Variants in BRINP1 observed in about 807,000 individuals in gnomAD.
The protein encoded by BRINP1 is BMP/retinoic acid inducible neural specific 1.
In BRINP1, 17 loss-of-function variants were observed where a neutral mutation model predicts 72.9. The observed-to-expected ratio is 0.23, with a 90% CI of 0.16 to 0.35. BRINP1 has a LOEUF of 0.35. BRINP1 is among the 10% of genes least tolerant of loss of function. The pLI is 1.00. For synonymous variants in BRINP1, 418 were observed against 378.5 expected (o/e 1.10, Z -1.21); for missense variants, 850 against 1,001.6 (o/e 0.85, Z 2.04).
At chr9:119,172,061 CAATT>C (rs1479571816) in intron 7 of BRINP1, among the ~76,000 whole-genome samples, 3 of 141,844 alleles carry the variant, frequency 2.1e-5, no homozygotes, top group African/African-American at 8.4e-5. Context: ...CCTAACATCA[CAATT>C]AAAAGAACTA....
At chr9:119,212,066 C>A (rs1829934664) in intron 6 of BRINP1, among the ~76,000 whole-genome samples, 1 of 151,980 alleles carries the variant, frequency 6.6e-6, no homozygotes, top group Non-Finnish European at 1.5e-5. Flanking sequence ...TCAAATGCTT[C>A]CTTTGTTTGG....
At chr9:119,258,247 G>A (rs555033922) in intron 2 of BRINP1, among the ~76,000 whole-genome samples, 1 of 152,160 alleles carries the variant, frequency 6.6e-6, no homozygotes, top group Non-Finnish European at 1.5e-5. Flanking sequence ...GAGCACACTG[G>A]AAGGGGACTA....
intron 6 of BRINP1, among the ~76,000 whole-genome samples, chr9:119,209,575 TA>T (rs11412075): frequency 4.9e-5 from 7 of 142,346 alleles, no homozygotes; most frequent in African/African-American, 1.4e-4. Flanking sequence ...TCAAAAAAAT[TA>T]AAAAAAAAAG....
chr9:119,358,866 C>A (rs1393506350), intron 1 of BRINP1, among the ~76,000 whole-genome samples: 1 of 152,218 alleles, frequency 6.6e-6, no homozygotes, highest in Non-Finnish European at 1.5e-5. Context: ...TTTGCGTTCT[C>A]CCACGCCTTA....
At chr9:119,310,186 G>A (rs1225661191) in intron 2 of BRINP1, among the ~76,000 whole-genome samples, 2 of 152,164 alleles carry the variant, frequency 1.3e-5, no homozygotes, top group African/African-American at 4.8e-5. Context: ...AGTTCTGTTA[G>A]TTGACCAAAA....
At chr9:119,197,694 G>C (rs1165133640) in intron 7 of BRINP1, among the ~76,000 whole-genome samples, 1 of 73,272 alleles carries the variant, frequency 1.4e-5, no homozygotes, top group African/African-American at 6.7e-5. Flanking sequence ...CTCTTGTCTG[G>C]TGGGTTACAT....
chr9:119,360,740 G>A (rs1316621406), intron 1 of BRINP1, among the ~76,000 whole-genome samples: 1 of 152,110 alleles, frequency 6.6e-6, no homozygotes, highest in Non-Finnish European at 1.5e-5. Context: ...TCTCACAGAG[G>A]TTCCCAATGG....
intron 2 of BRINP1, among the ~76,000 whole-genome samples, chr9:119,284,393 G>C (rs2118965927): frequency 6.6e-6 from 1 of 152,322 alleles, no homozygotes; most frequent in South Asian, 2.1e-4. Flanking sequence ...TGCAATACCA[G>C]CTGTGCCCTA....
chr9:119,247,727 G>A (rs969398676), intron 3 of BRINP1, among the ~76,000 whole-genome samples: 4 of 150,644 alleles, frequency 2.7e-5, no homozygotes, highest in Admixed American at 2.0e-4. Context: ...CAGGCTTTGT[G>A]CATGGAAAAC....
At chr9:119,302,977 A>G (rs1279279149) in intron 2 of BRINP1, among the ~76,000 whole-genome samples, 1 of 152,166 alleles carries the variant, frequency 6.6e-6, no homozygotes, top group African/African-American at 2.4e-5. Context: ...GTGCATACAC[A>G]TTAGTAGAGA....
chr9:119,336,716 G>A (rs1831348816), intron 1 of BRINP1, among the ~76,000 whole-genome samples: 1 of 152,124 alleles, frequency 6.6e-6, no homozygotes, highest in South Asian at 2.1e-4. Context: ...GTCTGTAAAG[G>A]CACACACGTA....
In BRINP1 at chr9:119,313,231, A is replaced by G. The variant is rs770282756; in HGVS notation, c.125T>C (p.Ile42Thr). 2.5e-6 allele frequency: 4 copies of G among 1,614,060 alleles called. No individual in the cohort carries two copies. The African/African-American group carries it at 5.3e-5, about 22-fold the overall frequency. The change falls in exon 2 of 8, where the codon ATT (isoleucine) becomes ACT (threonine). Residue 42 changes from isoleucine (I) to threonine (T), a missense_variant. Coordinates refer to ENST00000265922, the MANE Select transcript of BRINP1 (RefSeq NM_014618.3). The part of the protein sequence containing the change: ...QHVSKEFDWL[I>T]SDRGPFHHSR... ...GTGGTGGAAAGGCCCCCTGTCTGAA[A>G]TGAGCCAATCAAATTCCTTGGAGAC... is the stretch of plus-strand genomic sequence containing the variant.
intron 2 of BRINP1, among the ~76,000 whole-genome samples, chr9:119,303,291 G>GAC (rs35386714): frequency 0.32 from 37,889 of 117,162 alleles, 5,855 homozygotes; most frequent in Non-Finnish European, 0.38. Context: ...CACACACACA[G>GAC]ACACACACAC....
chr9:119,224,559 G>A (rs1409133965), intron 5 of BRINP1, among the ~76,000 whole-genome samples: 2 of 151,972 alleles, frequency 1.3e-5, no homozygotes, highest in Non-Finnish European at 2.9e-5. Context: ...GTGTGGTAAC[G>A]AATAACCTCA....
At chr9:119,178,874 A>G (rs1019187459) in intron 7 of BRINP1, among the ~76,000 whole-genome samples, 1 of 152,136 alleles carries the variant, frequency 6.6e-6, no homozygotes, top group African/African-American at 2.4e-5. Context: ...AGAAAGCAAG[A>G]CACAAGAAAA....
chr9:119,192,897 T>A (rs1451510711), intron 7 of BRINP1, among the ~76,000 whole-genome samples: 1 of 152,070 alleles, frequency 6.6e-6, no homozygotes, highest in Non-Finnish European at 1.5e-5. Context: ...CACAGTTGTT[T>A]CTCAGTATCT....
intron 2 of BRINP1, chr9:119,283,177 G>C: frequency 1.0e-6 from 1 of 985,002 alleles, no homozygotes; most frequent in Non-Finnish European, 1.2e-6. Flanking sequence ...GCCTCCTTGA[G>C]TGTTTCTTTA....
intron 2 of BRINP1, among the ~76,000 whole-genome samples, chr9:119,293,199 C>G (rs1465664607): frequency 6.6e-6 from 1 of 151,898 alleles, no homozygotes; most frequent in Admixed American, 6.6e-5. Flanking sequence ...TATAAGAATT[C>G]TCGGCGGGAA....
chr9:119,282,430 T>C (rs1287952177), intron 2 of BRINP1, among the ~76,000 whole-genome samples: 2 of 152,136 alleles, frequency 1.3e-5, no homozygotes, highest in East Asian at 3.9e-4. Flanking sequence ...AACAAGGAAG[T>C]TGGCATCTGA....
Sources: gnomAD v4.1 joint callset for allele counts (sites outside exome capture counted in the v4.1 genomes callset) on GRCh38, gnomAD v4.1.1 for gene constraint, MANE v1.5 for transcripts, NCBI Gene and HGNC (gene_info 2026-07-23, HGNC 2026-07-21) for gene names.